Variants in ARMH4 observed in about 807,000 individuals in gnomAD.
ARMH4 encodes armadillo-like helical domain-containing protein 4.
Under a neutral mutation model 61.9 loss-of-function variants are expected in ARMH4, and 49 were observed. That is an observed-to-expected ratio of 0.79 (90% CI 0.63 to 1.00). ARMH4 has a LOEUF of 1.00. ARMH4 is among the 50% of genes least tolerant of loss of function. The pLI is 0.00. For synonymous variants in ARMH4, 368 were observed against 341.5 expected, an observed-to-expected ratio of 1.08 and a Z score of -0.85; for missense variants, 934 against 930.0, an observed-to-expected ratio of 1.00 and a Z score of -0.06.
In ARMH4 at chr14:58,004,666, T is replaced by G. The variant is rs771823293; in HGVS notation, c.*70A>C. On this transcript the variant is annotated 3_prime_UTR_variant, in exon 8 of 8. Transcript: ENST00000267485. ...AGCAATGTGGCAGGTTGTTCTTTTT[T>G]TTTTTCTGCTCCAAAATAAAAATTA... is the stretch of plus-strand genomic sequence containing the variant. 7.6e-7 allele frequency: 1 copy of G among 1,322,714 alleles called. No homozygotes were observed. The highest frequency in any genetic ancestry group is 2.1e-4 in the Middle Eastern group (1 of 4,764). The allele number at this position is 1,322,714 out of a possible 1,614,324, so 81.9% of individuals were successfully genotyped here. A position where few individuals can be genotyped will look rare whatever the true frequency, so the allele number is the denominator to read the frequency against.
Position 58,138,869 on chromosome 14 carries a change from G to A in ARMH4, c.490C>T (p.Leu164Phe), listed in dbSNP as rs151212967. 2 of 1,614,096 alleles carry A rather than the reference G, an allele frequency of 1.2e-6. No homozygotes were observed. The highest frequency in any genetic ancestry group is 1.3e-5 in the African/African-American group (1 of 74,936). Residue 164 changes from leucine (L) to phenylalanine (F), a missense_variant, in exon 2 of 8, where the codon CTT becomes TTT. Leu to Phe is a conservative substitution (Grantham distance 22, BLOSUM62 0). Transcript: ENST00000267485. ...ATGGGCTGAAAGTTAGTGCTTGTAA[G>A]GAGTTCCTCCTTTTCATCAACAGTC... ...SLTVDEKEELLTSTNFQPIVE... is the reference protein window; with the variant it reads ...SLTVDEKEELFTSTNFQPIVE...
At chr14:58,044,145 C>T (rs1883836212) in intron 5 of ARMH4, among the ~76,000 whole-genome samples, 1 of 152,096 alleles carries the variant, frequency 6.6e-6, no homozygotes, top group African/African-American at 2.4e-5. Context: ...AAAAAAGAGC[C>T]CGCATTGCCA....
chr14:58,032,079 C>G (rs1309617806), intron 5 of ARMH4, among the ~76,000 whole-genome samples: 1 of 152,126 alleles, frequency 6.6e-6, no homozygotes, highest in Non-Finnish European at 1.5e-5. Flanking sequence ...CTTTTCTTCT[C>G]CCGGCTCACT....
chr14:58,135,561 TAG>T (rs1344054640), intron 2 of ARMH4, among the ~76,000 whole-genome samples: 1 of 151,664 alleles, frequency 6.6e-6, no homozygotes, highest in East Asian at 1.9e-4. Context: ...AAGTGAGAAC[TAG>T]AAATAGTAAT....
intron 2 of ARMH4, among the ~76,000 whole-genome samples, chr14:58,136,298 G>C (rs1359560306): frequency 6.6e-6 from 1 of 152,090 alleles, no homozygotes; most frequent in Non-Finnish European, 1.5e-5. Flanking sequence ...TACAAGTTTA[G>C]TACATAAGAA....
intron 5 of ARMH4, among the ~76,000 whole-genome samples, chr14:58,067,469 G>A (rs188863818): frequency 1.4e-3 from 207 of 152,208 alleles, no homozygotes; most frequent in Non-Finnish European, 1.5e-3. Flanking sequence ...TGAAAGAAGT[G>A]GGGAGGCAGA....
chr14:58,120,421 C>T (rs1323241963), intron 4 of ARMH4, among the ~76,000 whole-genome samples: 2 of 152,016 alleles, frequency 1.3e-5, no homozygotes, highest in Non-Finnish European at 2.9e-5. Flanking sequence ...TAGGATGGAA[C>T]TAAAGTCTCT....
rs913287757 is a variant in ARMH4 at position 58,001,229 on chromosome 14, T to C, written c.*3507A>G. 5 of 152,234 alleles carry C rather than the reference T, an allele frequency of 3.3e-5. No individual in the cohort carries two copies. The highest frequency in any genetic ancestry group is 9.6e-5 in the African/African-American group (4 of 41,456). 9.4% of individuals were successfully genotyped at this position (152,234 alleles called of 1,614,324 possible). A position where few individuals can be genotyped will look rare whatever the true frequency, so the allele number is the denominator to read the frequency against. On this transcript the variant is annotated 3_prime_UTR_variant, in exon 8 of 8. Coordinates refer to ENST00000267485, the MANE Select transcript of ARMH4 (RefSeq NM_001001872.4). ...TGAATAATATTCTACTGTATGTATATACCACATTTTCTTTATCCATTCATC... is the reference window on the plus strand; with the variant it reads ...TGAATAATATTCTACTGTATGTATACACCACATTTTCTTTATCCATTCATC...
intron 5 of ARMH4, among the ~76,000 whole-genome samples, chr14:58,066,498 C>T (rs1011869954): frequency 6.6e-6 from 1 of 152,054 alleles, no homozygotes; most frequent in African/African-American, 2.4e-5. Context: ...GTAATGATTG[C>T]AAAACACTGT....
intron 2 of ARMH4, among the ~76,000 whole-genome samples, chr14:58,134,801 A>G (rs1887249658): frequency 6.6e-6 from 1 of 151,854 alleles, no homozygotes; most frequent in Admixed American, 6.6e-5. Context: ...CTAAAAACAC[A>G]ACAAAATTAG....
intron 5 of ARMH4, among the ~76,000 whole-genome samples, chr14:58,077,878 T>C (rs542145279): frequency 3.7e-4 from 57 of 152,318 alleles, no homozygotes; most frequent in Admixed American, 1.4e-3. Flanking sequence ...CACCCTTTGC[T>C]TCCTCATCAG....
intron 5 of ARMH4, among the ~76,000 whole-genome samples, chr14:58,053,458 CA>C (rs1884215895): frequency 6.6e-6 from 1 of 152,120 alleles, no homozygotes; most frequent in African/African-American, 2.4e-5. Flanking sequence ...CTGAAGTCTT[CA>C]AAAACTTCTT....
intron 5 of ARMH4, among the ~76,000 whole-genome samples, chr14:58,032,610 C>T (rs889694647): frequency 3.3e-5 from 5 of 152,188 alleles, no homozygotes; most frequent in East Asian, 3.9e-4. Context: ...ACGCAGAAGA[C>T]GGGTGATTTC....
At chr14:58,098,573 C>T (rs539990865) in intron 4 of ARMH4, among the ~76,000 whole-genome samples, 8 of 152,314 alleles carry the variant, frequency 5.3e-5, no homozygotes, top group Admixed American at 6.5e-5. Context: ...ACAGAGGCCA[C>T]ACCAAAATAA....
At chr14:58,128,916 T>C (rs752323196) in intron 4 of ARMH4, among the ~76,000 whole-genome samples, 1 of 152,176 alleles carries the variant, frequency 6.6e-6, no homozygotes, top group Non-Finnish European at 1.5e-5. Flanking sequence ...ATCCAATGAC[T>C]GGTGTTCTTA....
intron 5 of ARMH4, among the ~76,000 whole-genome samples, chr14:58,029,307 C>T (rs1883137847): frequency 6.6e-6 from 1 of 151,988 alleles, no homozygotes; most frequent in South Asian, 2.1e-4. Context: ...AATCTCGGCT[C>T]ACCACAACCT....
In ARMH4 at chr14:58,050,292, C is replaced by T. The variant is rs894393560; in HGVS notation, c.2090-38142G>A. On this transcript the variant is annotated intron_variant, in intron 5 of 7. Transcript: ENST00000267485. ...GGACAAAGAGACCCTCCTGATAGGT[C>T]CTTAAACGCTGGAGTAGAACTTCTG... Among the ~76,000 whole-genome samples, 4 of 152,220 alleles carry T rather than the reference C, an allele frequency of 2.6e-5. No individual in the cohort carries two copies. The South Asian group carries it at 8.3e-4, about 31-fold the overall frequency.
At chr14:58,038,729 A>T (rs531735846) in intron 5 of ARMH4, among the ~76,000 whole-genome samples, 70 of 151,972 alleles carry the variant, frequency 4.6e-4, no homozygotes, top group African/African-American at 1.6e-3. Flanking sequence ...TGACATTTTG[A>T]GTTATCTGTG....
intron 6 of ARMH4, among the ~76,000 whole-genome samples, chr14:58,006,749 G>A (rs1485347028): frequency 2.0e-5 from 3 of 148,126 alleles, no homozygotes; most frequent in African/African-American, 5.0e-5. Flanking sequence ...ATCACACACC[G>A]GGCCCTGTCG....
Sources: gnomAD v4.1 joint callset for allele counts (sites outside exome capture counted in the v4.1 genomes callset) on GRCh38, gnomAD v4.1.1 for gene constraint, MANE v1.5 for transcripts, NCBI Gene and HGNC (gene_info 2026-07-23, HGNC 2026-07-21) for gene names.